Variants in RBM27 observed in about 807,000 individuals in gnomAD.
The protein encoded by RBM27 is RNA-binding protein 27.
Under a neutral mutation model 135.3 loss-of-function variants are expected in RBM27, and 22 were observed. The ratio of observed to expected loss-of-function variants is 0.16; its 90% CI spans 0.12 to 0.23. RBM27 has a LOEUF of 0.23. Ranked by LOEUF, RBM27 falls within the 10% of genes least tolerant of loss-of-function variation. The pLI is 1.00. For synonymous variants in RBM27, 481 were observed against 442.4 expected (o/e 1.09, Z -1.10); for missense variants, 1,009 against 1,281.0 (o/e 0.79, Z 3.24).
intron 3 of RBM27, among the ~76,000 whole-genome samples, chr5:146,226,456 G>A (rs1756681542): frequency 6.6e-6 from 1 of 151,984 alleles, no homozygotes; most frequent in African/African-American, 2.4e-5. Context: ...TCAGCTTACT[G>A]CCACCTCCAC....
At chr5:146,255,166 C>G in intron 10 of RBM27, 74 bp downstream of exon 10, 1 of 1,355,918 alleles carries the variant, frequency 7.4e-7, no homozygotes, top group Non-Finnish European at 1.0e-6. Context: ...ATTTGCATTT[C>G]TGGCCTAGCT....
chr5:146,262,755 T>C (rs1433593302), intron 13 of RBM27, among the ~76,000 whole-genome samples: 1 of 152,232 alleles, frequency 6.6e-6, no homozygotes, highest in Non-Finnish European at 1.5e-5. Context: ...TACTATCACC[T>C]TCATGGTGAT....
chr5:146,217,268 G>C (rs553344503), intron 1 of RBM27, among the ~76,000 whole-genome samples: 10 of 152,060 alleles, frequency 6.6e-5, no homozygotes, highest in African/African-American at 2.4e-4. Context: ...TGCCCGGCCA[G>C]GTGAATGGAT....
intron 8 of RBM27, among the ~76,000 whole-genome samples, chr5:146,248,915 A>G (rs1233686552): frequency 6.6e-6 from 1 of 152,214 alleles, no homozygotes; most frequent in Non-Finnish European, 1.5e-5. Context: ...TCATACATTT[A>G]AAGTAGTCAT....
In RBM27 at chr5:146,288,049, ATAAT is replaced by A. The variant is rs1759651936; in HGVS notation, c.*2021_*2024del. Reference sequence around the variant, plus strand: ...TTTCTTAAACTGTATAATTTTGTAAATAATTTGTTTGGGTTTTTTTTTTGTGTAC... The same window carrying A: ...TTTCTTAAACTGTATAATTTTGTAAATTGTTTGGGTTTTTTTTTTGTGTAC... On this transcript the variant is annotated 3_prime_UTR_variant, in exon 21 of 21. Coordinates refer to ENST00000265271, the MANE Select transcript of RBM27 (RefSeq NM_018989.2). 1 of 151,884 alleles carries A rather than the reference ATAAT, an allele frequency of 6.6e-6. No homozygotes were observed. Among genetic ancestry groups the A allele is most frequent in the Non-Finnish European group, 1.5e-5 (1 of 67,916 alleles). The allele number at this position is 151,884 out of a possible 1,614,324, so 9.4% of individuals were successfully genotyped here.
At chr5:146,252,732 AAC>A (rs1242348343) in intron 9 of RBM27, among the ~76,000 whole-genome samples, 2 of 152,182 alleles carry the variant, frequency 1.3e-5, no homozygotes, top group Non-Finnish European at 2.9e-5. Flanking sequence ...GTCATCCTTA[AAC>A]ACATTGAAAT....
chr5:146,206,153 T>C (rs1253132798), intron 1 of RBM27, among the ~76,000 whole-genome samples: 1 of 152,234 alleles, frequency 6.6e-6, no homozygotes, highest in Non-Finnish European at 1.5e-5. Context: ...CAAGTTTAGT[T>C]TTGTTGGTAG....
At position 146,271,354 on chromosome 5, in the gene RBM27, C is replaced by T. The variant is rs932840389; in HGVS notation, c.2797-129C>T. On this transcript the variant is annotated intron_variant, in intron 18 of 20. Transcript: ENST00000265271. The stretch of plus-strand genomic sequence containing the variant: ...GGCAGAGGTTGCAGTGAGCCGAGAT[C>T]GTGCCATTGCACTCGAGCCTAGGCA... 3.1e-5 allele frequency: 26 copies of T among 833,964 alleles called. No homozygotes were observed. The Admixed American group carries it at 5.3e-4, about 17-fold the overall frequency. The allele number at this position is 833,964 out of a possible 1,614,324, so 51.7% of individuals were successfully genotyped here.
chr5:146,239,968 G>A (rs1394142729), intron 8 of RBM27, among the ~76,000 whole-genome samples: 2 of 151,712 alleles, frequency 1.3e-5, no homozygotes, highest in Non-Finnish European at 2.9e-5. Flanking sequence ...TTGTAGAGAC[G>A]GAGTCTCACT....
chr5:146,277,735 T>C (rs940999283), intron 19 of RBM27, among the ~76,000 whole-genome samples: 18 of 150,796 alleles, frequency 1.2e-4, no homozygotes, highest in African/African-American at 4.1e-4. Context: ...GGTTTCACCA[T>C]GTTGGTCAGG....
In RBM27 at chr5:146,233,726, T is replaced by G; in HGVS notation, c.1127T>G (p.Val376Gly). Reference protein sequence around the residue: ...PQGHGQPPPSVVLPIPRPPIT... With the variant: ...PQGHGQPPPSGVLPIPRPPIT... ...GGACATGGTCAGCCTCCACCATCCG[T>G]TGTGCTTCCCATACCAAGTAAGTAT... The change falls in exon 7 of 21, where the codon GTT (valine) becomes GGT (glycine). Residue 376 changes from valine (V) to glycine (G), a missense_variant. This residue lies in a region of RBM27 where 329 missense variants were observed against 368.1 expected (regional missense o/e 0.89). Coordinates refer to ENST00000265271, the MANE Select transcript of RBM27 (RefSeq NM_018989.2). 1 of 1,444,422 alleles carries G rather than the reference T, an allele frequency of 6.9e-7. No individual in the cohort carries two copies. Among genetic ancestry groups the G allele is most frequent in the Non-Finnish European group, 9.1e-7 (1 of 1,096,610 alleles). The allele number at this position is 1,444,422 out of a possible 1,614,324, so 89.5% of individuals were successfully genotyped here. A position where few individuals can be genotyped will look rare whatever the true frequency, so the allele number is the denominator to read the frequency against.
chr5:146,266,127 G>C (rs1253341834), intron 14 of RBM27, among the ~76,000 whole-genome samples: 3 of 152,148 alleles, frequency 2.0e-5, no homozygotes, highest in African/African-American at 7.2e-5. Flanking sequence ...TATCAAACCA[G>C]AAACTAAGGA....
intron 13 of RBM27, among the ~76,000 whole-genome samples, chr5:146,263,038 C>T (rs895690715): frequency 6.6e-6 from 1 of 151,954 alleles, no homozygotes. Context: ...TGCATGCCAC[C>T]ACCCCTGCCC....
Position 146,287,206 on chromosome 5 carries a change from G to C in RBM27, c.*1176G>C, listed in dbSNP as rs1759619495. ...GAGTCATATATGACTTTGTTCAGAT[G>C]ACCTTATTTTTTCATAATTTTGTAG... is the stretch of plus-strand genomic sequence containing the variant. On this transcript the variant is annotated 3_prime_UTR_variant, in exon 21 of 21. Coordinates refer to ENST00000265271, the MANE Select transcript of RBM27 (RefSeq NM_018989.2). 6.6e-6 allele frequency: 1 copy of C among 152,412 alleles called. No individual in the cohort carries two copies. Among genetic ancestry groups the C allele is most frequent in the African/African-American group, 2.4e-5 (1 of 41,386 alleles). 9.4% of individuals were successfully genotyped at this position (152,412 alleles called of 1,614,324 possible).
intron 14 of RBM27, among the ~76,000 whole-genome samples, chr5:146,264,957 A>G (rs1368979805): frequency 6.6e-6 from 1 of 152,210 alleles, no homozygotes; most frequent in Non-Finnish European, 1.5e-5. Context: ...ATAAACCAGT[A>G]TAAATTCCAA....
chr5:146,276,710 A>G (rs1295638740), intron 19 of RBM27, among the ~76,000 whole-genome samples: 1 of 152,188 alleles, frequency 6.6e-6, no homozygotes, highest in Non-Finnish European at 1.5e-5. Context: ...ACATTTGGAG[A>G]AAGTTTTTTA....
At chr5:146,265,931 C>CG (rs1170131741) in intron 14 of RBM27, among the ~76,000 whole-genome samples, 4 of 151,870 alleles carry the variant, frequency 2.6e-5, no homozygotes, top group African/African-American at 4.8e-5. Flanking sequence ...TTATCTTAAG[C>CG]GGGAAAAAAA....
chr5:146,251,804 C>T lies in RBM27; in HGVS notation c.1373C>T (p.Pro458Leu). The T allele has an allele frequency of 6.2e-7, 1 of 1,614,092 alleles. No individual in the cohort carries two copies. ...CCTCTGTTGGCAGCTCGTTTGGTGCCACCTCGAAACCTCATGGGATCCTCC... is the reference window on the plus strand; with the variant it reads ...CCTCTGTTGGCAGCTCGTTTGGTGCTACCTCGAAACCTCATGGGATCCTCC... ...PPPLLAARLV[P>L]PRNLMGSSIG... Residue 458 changes from proline to leucine, a missense_variant, in exon 9 of 21, where the codon CCA becomes CTA. Physicochemically the swap from Pro to Leu is moderately conservative, Grantham distance 98 (BLOSUM62 -3). Around this residue, in one of 6 missense-constraint regions of RBM27, gnomAD observed 329 missense variants for 368.1 expected, o/e 0.89. Coordinates refer to ENST00000265271, the MANE Select transcript of RBM27 (RefSeq NM_018989.2).
At position 146,270,941 on chromosome 5, in the gene RBM27, A is replaced by T; in HGVS notation, c.2692-13A>T. The stretch of plus-strand genomic sequence containing the variant: ...ATCTAAAAAATACCTTTTTATTTTC[A>T]ATTTTTCCAAAGGCCCAGAAGGAGT... On this transcript the variant is annotated splice_polypyrimidine_tract_variant and intron_variant, in intron 17 of 20. Transcript: ENST00000265271. The T allele has an allele frequency of 6.4e-7, 1 of 1,573,164 alleles. No homozygotes were observed.
Sources: allele counts gnomAD v4.1 joint callset (sites outside exome capture counted in the v4.1 genomes callset), GRCh38; gene constraint gnomAD v4.1.1; regional missense constraint gnomAD v4.1.1; transcripts MANE v1.5; gene names NCBI Gene and HGNC (gene_info 2026-07-23, HGNC 2026-07-21).